Variants in SFI1 observed in about 807,000 individuals in gnomAD.
SFI1 encodes the protein SFI1 centrin binding protein.
In SFI1, 195 loss-of-function variants were observed where a neutral mutation model predicts 207.5. The observed-to-expected ratio is 0.94, with a 90% confidence interval of 0.84 to 1.06. SFI1 has a LOEUF of 1.06. Among genes scored for constraint, SFI1 ranks in the 50% least tolerant of loss-of-function variants. The probability of loss-of-function intolerance (pLI) is 0.00; values close to 1 mark genes in which losing one functional copy is unlikely to be tolerated. For missense variants in SFI1, 1,634 were observed against 1,588.0 expected (o/e 1.03, Z -0.49); for synonymous variants, 630 against 598.9 (o/e 1.05, Z -0.76).
chr22:31,584,927 T>C, intron 13 of SFI1, 141 bp from the exon 14 acceptor site: 1 of 518,890 alleles, frequency 1.9e-6, no homozygotes, highest in South Asian at 3.5e-5. Context: ...ATCAGGTTCT[T>C]ATTGCCGTCT....
rs1491413497 is a variant in SFI1, at chr22:31,545,578, TAA to T, written c.339-1282_339-1281del. 2.1e-3 allele frequency among the ~76,000 whole-genome samples: 322 copies of T among 151,000 alleles called. 5 individuals carry two copies. The highest frequency in any genetic ancestry group is 0.01 in the East Asian group (52 of 5,154). Reference sequence around the variant, plus strand: ...TAATTTAATTTAATTTAATTTAATTTAATTTAATTTTATTTTATTTTGAGACG... The same window carrying T: ...TAATTTAATTTAATTTAATTTAATTTTTTAATTTTATTTTATTTTGAGACG... On this transcript the variant is annotated intron_variant, in intron 4 of 32. Transcript: ENST00000400288.
chr22:31,546,970 A>C lies in SFI1; in HGVS notation c.448A>C (p.Arg150=). 6.3e-7 allele frequency: 1 copy of C among 1,599,894 alleles called. No individual in the cohort carries two copies. The highest frequency in any genetic ancestry group is 8.5e-7 in the Non-Finnish European group (1 of 1,170,418). ...KLCVRADCHY[R]YYLYNLMFQT... is the part of the protein sequence containing the mutation. ...CTGTGTTCGAGCTGACTGTCACTAC[A>C]GGTCAGGTTTCATGTTACACTCCTT... The change falls in exon 5 of 33, where the codon AGG becomes CGG. Residue 150 remains arginine, a splice_region_variant and synonymous_variant. Transcript: ENST00000400288.
intron 6 of SFI1, among the ~76,000 whole-genome samples, chr22:31,553,529 A>ATTTTTTTTTTT (rs71202096): frequency 2.8e-4 from 23 of 82,636 alleles, no homozygotes; most frequent in East Asian, 3.7e-4. Flanking sequence ...TAATTTTTGT[A>ATTTTTTTTTTT]TTTTTTTTTT....
intron 6 of SFI1, among the ~76,000 whole-genome samples, chr22:31,552,106 C>G (rs775917223): frequency 1.4e-4 from 22 of 152,082 alleles, no homozygotes; most frequent in Non-Finnish European, 2.9e-5. Context: ...GTTTAGCTCC[C>G]GCTTATAAGT....
At chr22:31,508,206 G>A in intron 1 of SFI1, 49 bp from the exon 2 acceptor site, 1 of 1,097,988 alleles carries the variant, frequency 9.1e-7, no homozygotes, top group Non-Finnish European at 1.4e-6. Context: ...TGTGGCTCCT[G>A]AGAGGCTGCA....
Position 31,614,894 on chromosome 22 carries a change from G to A in SFI1, c.3068+34G>A, listed in dbSNP as rs1208383739. The A allele has an allele frequency of 2.5e-6, 4 of 1,610,038 alleles. No individual in the cohort carries two copies. The African/African-American group carries it at 5.3e-5, about 21-fold the overall frequency. ...GGTGCAGCACCGTGGGCAGGCAGGG[G>A]GAGATGGTCAGGGGTCCCCAAAGGC... On this transcript the variant is annotated intron_variant, in intron 28 of 32. Coordinates refer to ENST00000400288, the MANE Select transcript of SFI1 (RefSeq NM_001007467.3).
At chr22:31,591,478 T>C (rs1216863094) in intron 15 of SFI1, among the ~76,000 whole-genome samples, 1 of 151,954 alleles carries the variant, frequency 6.6e-6, no homozygotes, top group East Asian at 1.9e-4. Context: ...CAATGAGCTA[T>C]TGGGCACACC....
At chr22:31,549,689 T>TG (rs989174513) in intron 5 of SFI1, among the ~76,000 whole-genome samples, 1 of 152,074 alleles carries the variant, frequency 6.6e-6, no homozygotes, top group African/African-American at 2.4e-5. Flanking sequence ...TTGTGGATGA[T>TG]GAAAGTGAAC....
intron 8 of SFI1, among the ~76,000 whole-genome samples, chr22:31,564,412 C>CAA (rs34004221): frequency 2.1e-5 from 3 of 140,624 alleles, no homozygotes; most frequent in East Asian, 4.0e-4. Context: ...TCTATACTTG[C>CAA]AAAAAAAAAA....
Position 31,554,002 on chromosome 22 carries a change from A to G in SFI1, c.545-2940A>G, listed in dbSNP as rs368664245. ...AGACAATGCCCCACCATACCTGGCT[A>G]AGTTTTTTATATTTTACAGAGATGG... On this transcript the variant is annotated intron_variant, in intron 6 of 32. Coordinates refer to ENST00000400288, the MANE Select transcript of SFI1 (RefSeq NM_001007467.3). 6.6e-5 allele frequency among the ~76,000 whole-genome samples: 10 copies of G among 150,998 alleles called. No homozygotes were observed. The East Asian group carries it at 1.6e-3, about 24-fold the overall frequency.
chr22:31,603,921 C>T, intron 18 of SFI1, 102 bp downstream of exon 18: 1 of 1,091,902 alleles, frequency 9.2e-7, no homozygotes. Context: ...CCACCTACCT[C>T]TGAGCTGAAG....
intron 9 of SFI1, among the ~76,000 whole-genome samples, chr22:31,574,571 AG>A (rs2063281821): frequency 1.3e-5 from 2 of 152,250 alleles, no homozygotes; most frequent in Non-Finnish European, 2.9e-5. Context: ...TTTGTTTAGA[AG>A]CAAAAGTAAA....
intron 14 of SFI1, among the ~76,000 whole-genome samples, chr22:31,588,825 CA>C (rs570602671): frequency 6.7e-6 from 1 of 148,416 alleles, no homozygotes; most frequent in African/African-American, 2.5e-5. Context: ...AAAAAAAAAA[CA>C]AAAAACAACA....
At chr22:31,538,885 A>G (rs998468208) in intron 4 of SFI1, among the ~76,000 whole-genome samples, 1 of 152,144 alleles carries the variant, frequency 6.6e-6, no homozygotes, top group Admixed American at 6.6e-5. Flanking sequence ...AGTGATTCTC[A>G]GATGTGTATG....
rs751455847 is a variant in SFI1 at position 31,568,165 on chromosome 22, ATGTG to A, written c.766-4867_766-4864del. ...GGACTCTCTCTCTCTCTATATATAT[ATGTG>A]TGTGTGTGTGTGTGTGTGTGTGTGT... On this transcript the variant is annotated intron_variant, in intron 8 of 32. Transcript: ENST00000400288. Among the ~76,000 whole-genome samples, 433 of 119,018 alleles carry A rather than the reference ATGTG, an allele frequency of 3.6e-3. 3 individuals carry two copies. The highest frequency in any genetic ancestry group is 0.027 in the East Asian group (102 of 3,742). The allele number at this position is 119,018 out of a possible 152,430, so 78.1% of individuals were successfully genotyped here.
At chr22:31,510,127 G>A (rs1464257507) in intron 2 of SFI1, among the ~76,000 whole-genome samples, 3 of 151,928 alleles carry the variant, frequency 2.0e-5, no homozygotes, top group East Asian at 3.9e-4. Flanking sequence ...GATAGTGCTC[G>A]GCCTATTATT....
chr22:31,611,207 G>A lies in SFI1; in HGVS notation c.2319G>A (p.Leu773=). The A allele has an allele frequency of 6.2e-7, 1 of 1,614,092 alleles. No homozygotes were observed. The highest frequency in any genetic ancestry group is 8.5e-7 in the Non-Finnish European group (1 of 1,180,042). The part of the protein sequence containing the change: ...DCSRRSAQQR[L]QLERAVQHHH... ...GCCGGAGGTCAGCCCAGCAGAGACT[G>A]CAGCTGGAGAGGGCAGTGCAACACC... Residue 773 remains leucine (L), a synonymous_variant, in exon 23 of 33, where the codon CTG becomes CTA. Transcript: ENST00000400288.
chr22:31,497,543 C>T (rs569666240), intron 1 of SFI1, among the ~76,000 whole-genome samples: 102 of 152,260 alleles, frequency 6.7e-4, no homozygotes, highest in Non-Finnish European at 1.1e-3. Flanking sequence ...CCCTCTCGGT[C>T]CTCCTTGTAG....
At chr22:31,595,121 C>T (rs1248329566) in intron 15 of SFI1, among the ~76,000 whole-genome samples, 1 of 152,080 alleles carries the variant, frequency 6.6e-6, no homozygotes, top group Non-Finnish European at 1.5e-5. Flanking sequence ...CTCAGCCTCC[C>T]AAGTAGCTGG....
Sources: gnomAD v4.1 joint callset for allele counts (sites outside exome capture counted in the v4.1 genomes callset) on GRCh38, gnomAD v4.1.1 for gene constraint, MANE v1.5 for transcripts, NCBI Gene and HGNC (gene_info 2026-07-23, HGNC 2026-07-21) for gene names.